CCDC150: variants seen among roughly 807,000 people sequenced by gnomAD.
CCDC150 encodes the protein coiled-coil domain containing 150.
In CCDC150, 151 loss-of-function variants were observed where a neutral mutation model predicts 156.5. That is an observed-to-expected ratio of 0.97 (90% CI 0.85 to 1.10). The LOEUF (loss-of-function observed/expected upper bound fraction) is 1.10. Among genes scored for constraint, CCDC150 ranks in the 50% least tolerant of loss-of-function variants. CCDC150 has a pLI of 0.00. For synonymous variants in CCDC150, 452 were observed against 429.4 expected, an observed-to-expected ratio of 1.05 and a Z score of -0.65; for missense variants, 1,312 against 1,268.1, an observed-to-expected ratio of 1.03 and a Z score of -0.53.
At chr2:196,684,188 A>G (rs1575829683) in intron 13 of CCDC150, among the ~76,000 whole-genome samples, 6 of 152,230 alleles carry the variant, frequency 3.9e-5, no homozygotes, top group East Asian at 3.9e-4. Flanking sequence ...AAGTTTCTGC[A>G]GCTATAAATT....
chr2:196,715,900 CAT>C lies in CCDC150; in HGVS notation c.1867-2602_1867-2601del, dbSNP rs1697465006. Among the ~76,000 whole-genome samples, 4 of 152,150 alleles carry C rather than the reference CAT, an allele frequency of 2.6e-5. No individual in the cohort carries two copies. The South Asian group carries it at 8.3e-4, about 32-fold the overall frequency. On this transcript the variant is annotated intron_variant, in intron 17 of 27. Transcript: ENST00000389175. Reference sequence around the variant, plus strand: ...ATTGACAACTTATGCTCTTCAGAAACATTAAGGGAATGAAGAGACAAGCTACA... The same window carrying C: ...ATTGACAACTTATGCTCTTCAGAAACTAAGGGAATGAAGAGACAAGCTACA...
At chr2:196,721,476 C>T (rs764878929) in intron 20 of CCDC150, 46 bp from the exon 21 acceptor site, 83 of 1,440,082 alleles carry the variant, frequency 5.8e-5, no homozygotes, top group Non-Finnish European at 6.8e-5. Context: ...GGACTTCTTG[C>T]ATCTGTCCAT....
At chr2:196,720,383 A>G (rs1045622152) in intron 19 of CCDC150, 192 bp from the exon 20 acceptor site, 10 of 561,680 alleles carry the variant, frequency 1.8e-5, no homozygotes, top group South Asian at 4.7e-5. Context: ...TGTTATATGT[A>G]GATGCAAAAA....
chr2:196,668,367 A>G (rs1348644174), intron 7 of CCDC150, among the ~76,000 whole-genome samples: 1 of 151,808 alleles, frequency 6.6e-6, no homozygotes, highest in East Asian at 1.9e-4. Flanking sequence ...ACCCACAGCA[A>G]GTAGAATAGC....
At chr2:196,661,100 G>C (rs1693530914) in intron 5 of CCDC150, among the ~76,000 whole-genome samples, 1 of 152,098 alleles carries the variant, frequency 6.6e-6, no homozygotes, top group African/African-American at 2.4e-5. Context: ...TTTTACTGGG[G>C]AAGTCTTATT....
intron 21 of CCDC150, among the ~76,000 whole-genome samples, chr2:196,723,805 G>A (rs1223018409): frequency 6.6e-6 from 1 of 152,166 alleles, no homozygotes; most frequent in Non-Finnish European, 1.5e-5. Context: ...GCCAGTTTCT[G>A]TAGATATAGA....
At chr2:196,691,004 C>T (rs914421045) in intron 13 of CCDC150, among the ~76,000 whole-genome samples, 3 of 152,134 alleles carry the variant, frequency 2.0e-5, no homozygotes, top group African/African-American at 7.2e-5. Context: ...TGATGAATCA[C>T]ATTTATTGAT....
intron 13 of CCDC150, among the ~76,000 whole-genome samples, chr2:196,690,306 A>G (rs2125642609): frequency 6.6e-6 from 1 of 152,150 alleles, no homozygotes; most frequent in East Asian, 1.9e-4. Flanking sequence ...TGGGTGCAGC[A>G]CACCAGCATG....
Position 196,718,574 on chromosome 2 carries a change from A to G in CCDC150, c.1938A>G (p.Lys646=). 1.2e-6 allele frequency: 2 copies of G among 1,613,882 alleles called. No individual in the cohort carries two copies. The highest frequency in any genetic ancestry group is 1.7e-6 in the Non-Finnish European group (2 of 1,179,810). Residue 646 remains lysine (K), a synonymous_variant, in exon 18 of 28, where the codon AAA becomes AAG. Coordinates refer to ENST00000389175, the MANE Select transcript of CCDC150 (RefSeq NM_001080539.2). ...TGAAGTGTCGTAATGCGGCCCTGAA[A>G]GAGAGTCAGAAGTTGAAAGAAGACC... is the stretch of plus-strand genomic sequence containing the variant. The part of the protein sequence containing the change: ...RTVKCRNAAL[K]ESQKLKEDLE...
Position 196,719,653 on chromosome 2 carries a change from C to G in CCDC150, c.2152C>G (p.Leu718Val), listed in dbSNP as rs898959022. Residue 718 changes from leucine to valine, a missense_variant, in exon 19 of 28, where the codon CTC becomes GTC. Transcript: ENST00000389175. ...GCGGAGGGATTCAGAGATTGCAGGC[C>G]TCAAGAAAGAAAGGTACCTGTGGTT... Reference protein sequence around the residue: ...LGRRDSEIAGLKKERDLNQQR... With the variant: ...LGRRDSEIAGVKKERDLNQQR... 6.2e-7 allele frequency: 1 copy of G among 1,607,462 alleles called. No homozygotes were observed. The highest frequency in any genetic ancestry group is 8.5e-7 in the Non-Finnish European group (1 of 1,177,444).
At position 196,729,778 on chromosome 2, in the gene CCDC150, T is replaced by C. The variant is rs1698425787; in HGVS notation, c.2752-15T>C. ...CACTGATCATCTTTTTATGTTATTT[T>C]CCAATTACTTTTAGCAAATAGAAAA... On this transcript the variant is annotated splice_polypyrimidine_tract_variant and intron_variant, in intron 23 of 27. Coordinates refer to ENST00000389175, the MANE Select transcript of CCDC150 (RefSeq NM_001080539.2). 5 of 1,504,122 alleles carry C rather than the reference T, an allele frequency of 3.3e-6. No individual in the cohort carries two copies. In the East Asian group the frequency reaches 9.1e-5, roughly 28 times the overall value. The allele number at this position is 1,504,122 out of a possible 1,614,324, so 93.2% of individuals were successfully genotyped here. A position where few individuals can be genotyped will look rare whatever the true frequency, so the allele number is the denominator to read the frequency against.
At chr2:196,660,818 A>G (rs747534334) in intron 5 of CCDC150, among the ~76,000 whole-genome samples, 4 of 152,128 alleles carry the variant, frequency 2.6e-5, no homozygotes, top group South Asian at 2.1e-4. Flanking sequence ...CAATATATCA[A>G]TTTTTTTCTT....
rs1012886746 is a variant in CCDC150 at position 196,721,616 on chromosome 2, T to C, written c.2354T>C (p.Leu785Pro). ...LEQALQTNNH[L>P]QTKLDHIQEQ... is the part of the protein sequence containing the mutation. ...CAAGCTCTCCAGACAAATAATCATC[T>C]GCAAACAAAGCTAGATCACATTCAA... Residue 785 changes from leucine to proline, a missense_variant, in exon 21 of 28, where the codon CTG becomes CCG. Transcript: ENST00000389175. 1 of 1,607,382 alleles carries C rather than the reference T, an allele frequency of 6.2e-7. No individual in the cohort carries two copies. The highest frequency in any genetic ancestry group is 8.5e-7 in the Non-Finnish European group (1 of 1,177,036).
At chr2:196,698,343 C>G (rs1695956571) in intron 14 of CCDC150, among the ~76,000 whole-genome samples, 1 of 152,034 alleles carries the variant, frequency 6.6e-6, no homozygotes, top group Admixed American at 6.6e-5. Context: ...TTAGCATTCT[C>G]TTTAGTGGCA....
In CCDC150 at chr2:196,676,551, C is replaced by T. The variant is rs775937679; in HGVS notation, c.1263-3C>T. On this transcript the variant is annotated splice_polypyrimidine_tract_variant and splice_region_variant and intron_variant, in intron 11 of 27. Coordinates refer to ENST00000389175, the MANE Select transcript of CCDC150 (RefSeq NM_001080539.2). ...TTCATATGTTCTTGATCTCTTCCTG[C>T]AGGGATCATTTAATCCTTGAGCATA... The T allele has an allele frequency of 5.6e-6, 9 of 1,609,006 alleles. No individual in the cohort carries two copies. The highest frequency in any genetic ancestry group is 6.8e-6 in the Non-Finnish European group (8 of 1,177,254).
intron 13 of CCDC150, among the ~76,000 whole-genome samples, chr2:196,694,752 C>A (rs1463064464): frequency 3.3e-5 from 5 of 152,152 alleles, no homozygotes; most frequent in Non-Finnish European, 5.9e-5. Flanking sequence ...ATCCTAGCTA[C>A]TCAGGAGGCT....
Position 196,719,641 on chromosome 2 carries a change from G to C in CCDC150, c.2140G>C (p.Glu714Gln). ...AATAGAGCTTGGGCGGAGGGATTCA[G>C]AGATTGCAGGCCTCAAGAAAGAAAG... ...VQIELGRRDS[E>Q]IAGLKKERDL... Residue 714 changes from glutamate to glutamine, a missense_variant, in exon 19 of 28, where the codon GAG becomes CAG. Coordinates refer to ENST00000389175, the MANE Select transcript of CCDC150 (RefSeq NM_001080539.2). 1 of 1,611,040 alleles carries C rather than the reference G, an allele frequency of 6.2e-7. No homozygotes were observed. The highest frequency in any genetic ancestry group is 1.6e-4 in the Middle Eastern group (1 of 6,062).
intron 13 of CCDC150, among the ~76,000 whole-genome samples, chr2:196,691,530 G>C (rs1695473214): frequency 6.6e-6 from 1 of 151,970 alleles, no homozygotes; most frequent in Admixed American, 6.6e-5. Context: ...ATGGTTGTTT[G>C]TATTTCTGTG....
chr2:196,661,842 A>G (rs1693579883), intron 5 of CCDC150, among the ~76,000 whole-genome samples: 1 of 152,172 alleles, frequency 6.6e-6, no homozygotes. Flanking sequence ...AAAGAGGAAA[A>G]TGTCTCTTTT....
Sources: allele counts gnomAD v4.1 joint callset (sites outside exome capture counted in the v4.1 genomes callset), GRCh38; gene constraint gnomAD v4.1.1; transcripts MANE v1.5; gene names NCBI Gene and HGNC (gene_info 2026-07-23, HGNC 2026-07-21).